SYTL5: variants seen among roughly 807,000 people sequenced by gnomAD.
SYTL5 encodes synaptotagmin-like protein 5.
SYTL5 carries 34 observed loss-of-function variants against 55.9 expected under a neutral mutation model. The observed-to-expected ratio is 0.61, with a 90% CI of 0.46 to 0.81. SYTL5 has a LOEUF of 0.81. Ranked by LOEUF, SYTL5 falls within the 30% of genes least tolerant of loss-of-function variation. The pLI is 0.00. For synonymous variants in SYTL5, 221 were observed against 188.7 expected (o/e 1.17, Z -1.40); for missense variants, 637 against 546.7 (o/e 1.17, Z -1.65).
chrX:38,108,245 A>T (rs752544454), intron 11 of SYTL5, among the ~76,000 whole-genome samples: 5 of 111,912 alleles, frequency 4.5e-5, no homozygotes, highest in Non-Finnish European at 9.4e-5. Flanking sequence ...TAATCCTCAC[A>T]AGGCCATCAG....
chrX:37,982,312 GTA>G, the SYTL5 span, among the ~76,000 whole-genome samples: 1 of 111,990 alleles, frequency 8.9e-6, no homozygotes, highest in South Asian at 3.7e-4. Flanking sequence ...GGGCTGACTA[GTA>G]TATTTGAATG....
At chrX:38,071,926 T>C in intron 3 of SYTL5, 121 bp from the exon 4 acceptor site, 2 of 482,028 alleles carry the variant, frequency 4.1e-6, no homozygotes, top group Admixed American at 6.9e-5. Context: ...CATAAAATAC[T>C]CCAGAGATTG....
the SYTL5 span, among the ~76,000 whole-genome samples, chrX:37,935,214 C>T: frequency 8.0e-5 from 9 of 111,989 alleles, no homozygotes; most frequent in South Asian, 3.7e-4. Context: ...AAGAAAGAGA[C>T]TGTCAACTAA....
At chrX:37,930,139 G>C in the SYTL5 span, among the ~76,000 whole-genome samples, 2 of 111,878 alleles carry the variant, frequency 1.8e-5, no homozygotes, top group East Asian at 5.6e-4. Flanking sequence ...TGACCCGTCC[G>C]CTGAGATGGT....
the SYTL5 span, among the ~76,000 whole-genome samples, chrX:37,954,060 C>CA: frequency 0.035 from 3,893 of 109,942 alleles, 79 homozygotes; most frequent in African/African-American, 0.075. Flanking sequence ...AGATTTAGGA[C>CA]AAAAAAATGA....
At chrX:37,908,814 C>T in the SYTL5 span, among the ~76,000 whole-genome samples, 15 of 110,641 alleles carry the variant, frequency 1.4e-4, no homozygotes, top group Non-Finnish European at 2.6e-4. Context: ...AGTAAATATT[C>T]AGTAAATAGT....
chrX:38,015,270 G>A (rs919728156), intron 1 of SYTL5, among the ~76,000 whole-genome samples: 2 of 112,211 alleles, frequency 1.8e-5, no homozygotes, highest in Non-Finnish European at 3.8e-5. Context: ...TGAATAATGC[G>A]AAGCATGTAA....
intron 2 of SYTL5, among the ~76,000 whole-genome samples, chrX:38,048,810 A>C (rs1167714429): frequency 8.9e-6 from 1 of 111,920 alleles, no homozygotes; most frequent in Non-Finnish European, 1.9e-5. Flanking sequence ...TTGGGTGGGG[A>C]TGCAGCCAAA....
chrX:38,108,192 T>C (rs1302201752), intron 11 of SYTL5, among the ~76,000 whole-genome samples: 2 of 112,375 alleles, frequency 1.8e-5, no homozygotes, highest in Non-Finnish European at 3.8e-5. Flanking sequence ...TTACATGTAT[T>C]GAGTAGTACA....
At chrX:37,915,172 G>C in the SYTL5 span, among the ~76,000 whole-genome samples, 2 of 111,352 alleles carry the variant, frequency 1.8e-5, no homozygotes, top group Non-Finnish European at 3.8e-5. Context: ...GCGCATGCAC[G>C]TGCACAGGCG....
the SYTL5 span, among the ~76,000 whole-genome samples, chrX:37,894,684 C>T: frequency 8.9e-6 from 1 of 111,750 alleles, no homozygotes; most frequent in Admixed American, 9.5e-5. Context: ...TGTGAGTTTT[C>T]TGGAAGAGAT....
the SYTL5 span, among the ~76,000 whole-genome samples, chrX:37,918,805 G>C: frequency 1.8e-5 from 2 of 110,961 alleles, no homozygotes; most frequent in African/African-American, 6.5e-5. Context: ...TGAATGCCTT[G>C]AACTCACTGC....
the SYTL5 span, among the ~76,000 whole-genome samples, chrX:37,922,375 C>T: frequency 8.9e-6 from 1 of 111,742 alleles, no homozygotes; most frequent in Non-Finnish European, 1.9e-5. Flanking sequence ...GGGAGAAAAT[C>T]CCATATGGCA....
chrX:37,916,910 A>T, the SYTL5 span, among the ~76,000 whole-genome samples: 1 of 111,252 alleles, frequency 9.0e-6, no homozygotes, highest in Admixed American at 9.6e-5. Flanking sequence ...CTGTTCCAGG[A>T]TCCCACGCAG....
At chrX:38,076,741 T>A (rs5918468) in intron 6 of SYTL5, 40 bp downstream of exon 6, 300,719 of 1,179,645 alleles carry the variant, frequency 0.25, 27,624 homozygotes, top group African/African-American at 0.43. Context: ...TAGCCTGAGG[T>A]TAAGGTTGAT....
the SYTL5 span, chrX:37,906,024 G>C: frequency 8.8e-6 from 1 of 113,357 alleles, no homozygotes; most frequent in African/African-American, 3.2e-5. Flanking sequence ...CTGCTCCCCT[G>C]GGTTAGGAGC....
chrX:38,038,291 T>C (rs1206831959), intron 2 of SYTL5, among the ~76,000 whole-genome samples: 2 of 111,798 alleles, frequency 1.8e-5, no homozygotes, highest in Non-Finnish European at 3.8e-5. Context: ...TTCCCACACT[T>C]TTGTGAATTG....
the SYTL5 span, among the ~76,000 whole-genome samples, chrX:37,894,740 A>T: frequency 2.5e-4 from 28 of 111,770 alleles, no homozygotes; most frequent in Admixed American, 8.6e-4. Context: ...TGCTCTCACC[A>T]ATGTGGGTGG....
the SYTL5 span, among the ~76,000 whole-genome samples, chrX:37,999,024 T>C: frequency 8.0e-5 from 9 of 112,413 alleles, no homozygotes; most frequent in Non-Finnish European, 1.7e-4. Flanking sequence ...TGTGGTCCTA[T>C]TGTGCATGAC....
Sources: allele counts gnomAD v4.1 joint callset (sites outside exome capture counted in the v4.1 genomes callset), GRCh38; gene constraint gnomAD v4.1.1; transcripts MANE v1.5; gene names NCBI Gene and HGNC (gene_info 2026-07-23, HGNC 2026-07-21).